The following CACNA1A variants were observed in gnomAD, a reference collection of about 807,000 sequenced individuals.
The protein encoded by CACNA1A is voltage-dependent P/Q-type calcium channel subunit alpha-1A.
In CACNA1A, 57 loss-of-function variants were observed where a neutral mutation model predicts 262.4. The observed-to-expected ratio is 0.22, with a 90% CI of 0.18 to 0.27. The LOEUF is 0.27. Among genes scored for constraint, CACNA1A ranks in the 10% least tolerant of loss-of-function variants. The pLI, the probability that CACNA1A is intolerant of heterozygous loss-of-function variation, is 1.00. For synonymous variants in CACNA1A, 1,431 were observed against 1,419.3 expected (o/e 1.01, Z -0.18); for missense variants, 2,526 against 3,562.8 (o/e 0.71, Z 7.41).
chr19:13,459,728 C>T (rs143137378), intron 1 of CACNA1A, among the ~76,000 whole-genome samples: 17 of 152,322 alleles, frequency 1.1e-4, no homozygotes, highest in East Asian at 3.9e-4. Flanking sequence ...TCCTTACACG[C>T]GCTTCTGCCA....
chr19:13,464,634 C>T lies in CACNA1A; in HGVS notation c.294-9422G>A, dbSNP rs141586750. ...TGCTATCTCGGCTCACTGCAAGCTC[C>T]GCCTCCCAGGTTCACGCCATTCTCC... On this transcript the variant is annotated intron_variant, in intron 1 of 46. Transcript: ENST00000360228. Among the ~76,000 whole-genome samples the T allele has an allele frequency of 6.3e-3, 951 of 150,876 alleles. 11 individuals carry two copies. Among genetic ancestry groups the T allele is most frequent in the East Asian group, 0.054 (275 of 5,080 alleles).
chr19:13,500,494 T>A (rs1982252091), intron 1 of CACNA1A, among the ~76,000 whole-genome samples: 1 of 152,204 alleles, frequency 6.6e-6, no homozygotes. Context: ...TTCCACTCCT[T>A]TCCATAGATC....
intron 27 of CACNA1A, chr19:13,258,219 T>C (rs191760393): frequency 6.6e-6 from 1 of 152,290 alleles, no homozygotes; most frequent in Admixed American, 6.5e-5. Flanking sequence ...CACCCACTTA[T>C]AAGTGGCCAA....
At chr19:13,422,972 T>C (rs1336481107) in intron 3 of CACNA1A, among the ~76,000 whole-genome samples, 1 of 152,254 alleles carries the variant, frequency 6.6e-6, no homozygotes, top group Non-Finnish European at 1.5e-5. Flanking sequence ...TCCACTGTAA[T>C]AAACCATAAC....
chr19:13,311,086 C>T (rs1004028827), intron 12 of CACNA1A, among the ~76,000 whole-genome samples: 1 of 152,218 alleles, frequency 6.6e-6, no homozygotes, highest in East Asian at 1.9e-4. Flanking sequence ...AGCCACTGTG[C>T]CTGGCCTACT....
intron 1 of CACNA1A, among the ~76,000 whole-genome samples, chr19:13,464,543 ATTTTTTT>A (rs540418372): frequency 3.1e-5 from 4 of 128,960 alleles, no homozygotes; most frequent in Admixed American, 7.7e-5. Context: ...AACTTTTCCA[ATTTTTTT>A]TTTTTTTTTT....
rs940318702 is a variant in CACNA1A, at chr19:13,386,826, T to C, written c.540-15047A>G. Among the ~76,000 whole-genome samples, 5 of 152,132 alleles carry C rather than the reference T, an allele frequency of 3.3e-5. No homozygotes were observed. The East Asian group carries it at 9.7e-4, about 29-fold the overall frequency. The stretch of plus-strand genomic sequence containing the variant: ...AAAGAAAGAACTGACGCAGTCGTCT[T>C]GGGGCTGTGAGTGGTAAATGTTAAA... On this transcript the variant is annotated intron_variant, in intron 3 of 46. Transcript: ENST00000360228.
At chr19:13,380,238 C>A (rs1280694761) in intron 3 of CACNA1A, among the ~76,000 whole-genome samples, 1 of 98,004 alleles carries the variant, frequency 1.0e-5, no homozygotes, top group Non-Finnish European at 1.9e-5. Context: ...GAGCAGAGAT[C>A]GCGCCACTGC....
intron 18 of CACNA1A, among the ~76,000 whole-genome samples, chr19:13,299,661 A>G (rs993695425): frequency 6.6e-6 from 1 of 152,042 alleles, no homozygotes. Flanking sequence ...TTCTAGTCAC[A>G]CAGGCCTCCT....
chr19:13,393,817 T>TTC (rs2059763221), intron 3 of CACNA1A, among the ~76,000 whole-genome samples: 1 of 95,318 alleles, frequency 1.0e-5, no homozygotes, highest in Non-Finnish European at 2.1e-5. Context: ...TTCCTCTCTC[T>TTC]CTCTCTCTCT....
intron 12 of CACNA1A, among the ~76,000 whole-genome samples, chr19:13,311,633 C>T (rs997956438): frequency 1.3e-5 from 2 of 152,126 alleles, no homozygotes; most frequent in Non-Finnish European, 2.9e-5. Flanking sequence ...GTCAGGAGAT[C>T]AAGACCATCC....
At position 13,422,423 on chromosome 19, in the gene CACNA1A, G is replaced by A. The variant is rs545849463; in HGVS notation, c.539+30453C>T. On this transcript the variant is annotated intron_variant, in intron 3 of 46. Coordinates refer to ENST00000360228, the MANE Select transcript of CACNA1A (RefSeq NM_001127222.2). ...TCAAAGACACTGCTAAAAGCAATGG[G>A]TCACCTTGAGAGGACTTGACAAGAA... 2.0e-5 allele frequency among the ~76,000 whole-genome samples: 3 copies of A among 152,286 alleles called. No homozygotes were observed. In the South Asian group the frequency reaches 6.2e-4, roughly 32 times the overall value.
At chr19:13,502,278 G>A (rs756775372) in intron 1 of CACNA1A, among the ~76,000 whole-genome samples, 21 of 152,132 alleles carry the variant, frequency 1.4e-4, no homozygotes, top group African/African-American at 4.3e-4. Flanking sequence ...TCTGCAAACC[G>A]GATGAAAAGC....
intron 1 of CACNA1A, among the ~76,000 whole-genome samples, chr19:13,466,251 C>T (rs2061235530): frequency 1.3e-5 from 2 of 150,788 alleles, no homozygotes; most frequent in Non-Finnish European, 1.5e-5. Flanking sequence ...TCAGGGTTCC[C>T]ATCATGGGCC....
rs540057696 is a variant in CACNA1A at position 13,494,036 on chromosome 19, C to T, written c.293+11896G>A. On this transcript the variant is annotated intron_variant, in intron 1 of 46. Transcript: ENST00000360228. Reference sequence around the variant, plus strand: ...ATCTTGCTAGAACAAGATACTTAAGCTTTTATCAGCTGGGGTACTGAAATA... The same window carrying T: ...ATCTTGCTAGAACAAGATACTTAAGTTTTTATCAGCTGGGGTACTGAAATA... Among the ~76,000 whole-genome samples, 5 of 152,316 alleles carry T rather than the reference C, an allele frequency of 3.3e-5. No individual in the cohort carries two copies. In the East Asian group the frequency reaches 9.6e-4, roughly 29 times the overall value.
At chr19:13,488,936 C>T (rs1365146020) in intron 1 of CACNA1A, among the ~76,000 whole-genome samples, 3 of 150,746 alleles carry the variant, frequency 2.0e-5, no homozygotes, top group Non-Finnish European at 2.9e-5. Flanking sequence ...ACAGGGTCAT[C>T]GGGCACTTCA....
chr19:13,278,065 G>A (rs1015296899), intron 22 of CACNA1A: 3 of 148,710 alleles, frequency 2.0e-5, no homozygotes, highest in African/African-American at 7.6e-5. Flanking sequence ...TCCAGCCTGG[G>A]AGACAGAGAC....
intron 26 of CACNA1A, 59 bp from the exon 27 acceptor site, chr19:13,259,760 C>T: frequency 6.3e-7 from 1 of 1,580,926 alleles, no homozygotes; most frequent in Admixed American, 1.8e-5. Context: ...TTGCACTTGT[C>T]TTTGGTTATC....
At chr19:13,355,315 C>A (rs1040306035) in intron 6 of CACNA1A, among the ~76,000 whole-genome samples, 1 of 152,172 alleles carries the variant, frequency 6.6e-6, no homozygotes, top group Non-Finnish European at 1.5e-5. Context: ...TTTTGAGGGG[C>A]GTGTTGTCAG....
Sources: gnomAD v4.1 joint callset for allele counts (sites outside exome capture counted in the v4.1 genomes callset) on GRCh38, gnomAD v4.1.1 for gene constraint, MANE v1.5 for transcripts, NCBI Gene and HGNC (gene_info 2026-07-23, HGNC 2026-07-21) for gene names.